GCSH: variants seen among roughly 807,000 people sequenced by gnomAD.
GCSH encodes glycine cleavage system protein H.
GCSH carries 15 observed loss-of-function variants against 21.3 expected under a neutral mutation model. That is an observed-to-expected ratio of 0.70 (90% CI 0.47 to 1.08). The LOEUF is 1.08. Among genes scored for constraint, GCSH ranks in the 50% least tolerant of loss-of-function variants. The probability of loss-of-function intolerance (pLI) is 0.00; values close to 1 mark genes in which losing one functional copy is unlikely to be tolerated. For synonymous variants in GCSH, 59 were observed against 84.5 expected, an observed-to-expected ratio of 0.70 and a Z score of 1.66; for missense variants, 179 against 217.5, an observed-to-expected ratio of 0.82 and a Z score of 1.11.
intron 1 of GCSH, among the ~76,000 whole-genome samples, chr16:81,092,755 CAAAA>C (rs920982457): frequency 7.0e-6 from 1 of 142,860 alleles, no homozygotes; most frequent in Admixed American, 6.7e-5. Context: ...AAAAAACAAA[CAAAA>C]AAAATCCCTG....
At chr16:81,089,418 A>G (rs1972351475) in intron 2 of GCSH, among the ~76,000 whole-genome samples, 1 of 151,752 alleles carries the variant, frequency 6.6e-6, no homozygotes, top group South Asian at 2.1e-4. Context: ...TTTTTACTGT[A>G]CCTTTTCTGT....
chr16:81,088,897 C>G (rs745858696), intron 2 of GCSH, among the ~76,000 whole-genome samples: 6 of 152,204 alleles, frequency 3.9e-5, no homozygotes, highest in Non-Finnish European at 8.8e-5. Context: ...TGAATTACAA[C>G]CCCACCGTTC....
chr16:81,084,536 T>G lies in GCSH; in HGVS notation c.351A>C (p.Ser117=). 1.2e-6 allele frequency: 2 copies of G among 1,600,728 alleles called. No individual in the cohort carries two copies. Among genetic ancestry groups the G allele is most frequent in the Non-Finnish European group, 1.7e-6 (2 of 1,167,950 alleles). Residue 117 remains serine, a synonymous_variant, in exon 4 of 5, where the codon TCA becomes TCC. Coordinates refer to ENST00000315467, the MANE Select transcript of GCSH (RefSeq NM_004483.5). ...KAASELYSPL[S]GEVTEINEAL... ...CTTCATTAATTTCAGTTACTTCTCCTGATAAAGGAGAATAGAGTTCACTAG... is the reference window on the plus strand; with the variant it reads ...CTTCATTAATTTCAGTTACTTCTCCGGATAAAGGAGAATAGAGTTCACTAG...
chr16:81,094,692 C>G (rs1972464339), intron 1 of GCSH, among the ~76,000 whole-genome samples: 1 of 152,022 alleles, frequency 6.6e-6, no homozygotes, highest in South Asian at 2.1e-4. Context: ...ATTTATCAAC[C>G]ATTCCAGCTC....
chr16:81,086,910 C>T (rs543859608), intron 3 of GCSH, among the ~76,000 whole-genome samples: 10 of 148,994 alleles, frequency 6.7e-5, no homozygotes, highest in African/African-American at 2.2e-4. Flanking sequence ...TAAGTGTATA[C>T]ATTTGTTAAA....
At chr16:81,088,548 A>G (rs1238001514) in intron 2 of GCSH, among the ~76,000 whole-genome samples, 1 of 152,090 alleles carries the variant, frequency 6.6e-6, no homozygotes, top group African/African-American at 2.4e-5. Context: ...ACAGGTGCCC[A>G]CCACCATGCC....
At chr16:81,094,785 A>C (rs5023851) in intron 1 of GCSH, among the ~76,000 whole-genome samples, 146,786 of 152,226 alleles carry the variant, frequency 0.96, 70,983 homozygotes, top group Middle Eastern at 1. Flanking sequence ...CAGTCAGTGT[A>C]TCAAACATTT....
At chr16:81,091,109 T>A (rs1390160654) in intron 1 of GCSH, 7 of 367,590 alleles carry the variant, frequency 1.9e-5, no homozygotes, top group African/African-American at 4.3e-5. Context: ...TGATTTAACC[T>A]AAAAAAAAAA....
intron 3 of GCSH, 138 bp from the exon 4 acceptor site, chr16:81,084,732 T>TG (rs1972237631): frequency 4.6e-6 from 3 of 652,366 alleles, no homozygotes; most frequent in South Asian, 3.8e-5. Flanking sequence ...TTTTTTGAGA[T>TG]GGAGTCTCGC....
chr16:81,085,847 G>A (rs375927335), intron 3 of GCSH, among the ~76,000 whole-genome samples: 4 of 150,986 alleles, frequency 2.6e-5, no homozygotes, highest in African/African-American at 9.8e-5. Flanking sequence ...GTGACAGTGT[G>A]AGACTCCGTC....
chr16:81,087,521 A>G lies in GCSH; in HGVS notation c.292+80T>C, dbSNP rs538125385. On this transcript the variant is annotated intron_variant, in intron 3 of 4. Transcript: ENST00000315467. ...CAAAAAAAAAAAAGCACTCTAATTA[A>G]TCCAGGGTACAAACAAATTACTATT... The G allele has an allele frequency of 3.5e-4, 358 of 1,028,996 alleles. 3 individuals are homozygous for G. The highest frequency in any genetic ancestry group is 5.1e-4 in the Non-Finnish European group (334 of 660,246). 63.7% of individuals were successfully genotyped at this position (1,028,996 alleles called of 1,614,324 possible). A position where few individuals can be genotyped will look rare whatever the true frequency, so the allele number is the denominator to read the frequency against.
In GCSH at chr16:81,084,659, T is replaced by C; in HGVS notation, c.293-65A>G. 3 of 1,199,958 alleles carry C rather than the reference T, an allele frequency of 2.5e-6. No individual in the cohort carries two copies. The South Asian group carries it at 3.9e-5, about 16-fold the overall frequency. 74.3% of individuals were successfully genotyped at this position (1,199,958 alleles called of 1,614,324 possible). A position where few individuals can be genotyped will look rare whatever the true frequency, so the allele number is the denominator to read the frequency against. On this transcript the variant is annotated intron_variant, in intron 3 of 4. Coordinates refer to ENST00000315467, the MANE Select transcript of GCSH (RefSeq NM_004483.5). ...AAGTCAGTTACTTGAAAACATAAAATACGAAAAAGTAGATTCCTGTCATAC... is the reference window on the plus strand; with the variant it reads ...AAGTCAGTTACTTGAAAACATAAAACACGAAAAAGTAGATTCCTGTCATAC...
chr16:81,089,015 C>A (rs1165094624), intron 2 of GCSH, among the ~76,000 whole-genome samples: 1 of 152,156 alleles, frequency 6.6e-6, no homozygotes, highest in East Asian at 1.9e-4. Flanking sequence ...CAAAAACTAT[C>A]CAACACTGGG....
chr16:81,095,407 G>T (rs1330621755), intron 1 of GCSH, among the ~76,000 whole-genome samples: 1 of 139,352 alleles, frequency 7.2e-6, no homozygotes, highest in South Asian at 2.2e-4. Flanking sequence ...TTTTGAGGTG[G>T]AGTTTTGCTC....
intron 4 of GCSH, 47 bp from the exon 5 acceptor site, chr16:81,083,010 G>A: frequency 8.7e-7 from 1 of 1,144,206 alleles, no homozygotes; most frequent in Non-Finnish European, 1.3e-6. Context: ...TTTTTAAAAA[G>A]TCAAATTCAT....
intron 2 of GCSH, among the ~76,000 whole-genome samples, chr16:81,089,705 A>T (rs569172894): frequency 1.4e-4 from 22 of 152,314 alleles, no homozygotes; most frequent in African/African-American, 5.3e-4. Flanking sequence ...ACATACATCC[A>T]GTTGAAAATC....
chr16:81,084,338 A>G, intron 4 of GCSH, 125 bp downstream of exon 4: 1 of 780,576 alleles, frequency 1.3e-6, no homozygotes, highest in Non-Finnish European at 2.2e-6. Flanking sequence ...TTAAAGCAGA[A>G]CATCTCTATT....
chr16:81,095,673 A>G (rs1972491122), intron 1 of GCSH, among the ~76,000 whole-genome samples: 1 of 97,582 alleles, frequency 1.0e-5, no homozygotes, highest in African/African-American at 3.4e-5. Context: ...TAATTTTAAT[A>G]AGCGCTTCTG....
At position 81,082,256 on chromosome 16, in the gene GCSH, T is replaced by G. The variant is rs1439023690; in HGVS notation, c.*610A>C. 3 of 452,144 alleles carry G rather than the reference T, an allele frequency of 6.6e-6. No individual in the cohort carries two copies. The Admixed American group carries it at 7.1e-5, about 11-fold the overall frequency. 28.0% of individuals were successfully genotyped at this position (452,144 alleles called of 1,614,324 possible). A position where few individuals can be genotyped will look rare whatever the true frequency, so the allele number is the denominator to read the frequency against. On this transcript the variant is annotated 3_prime_UTR_variant, in exon 5 of 5. Coordinates refer to ENST00000315467, the MANE Select transcript of GCSH (RefSeq NM_004483.5). ...TTTTAAAAAGTAACTTTCCGTAAGT[T>G]AAAGTTAGCACTTTCACAAATACTA...
Sources: allele counts gnomAD v4.1 joint callset (sites outside exome capture counted in the v4.1 genomes callset), GRCh38; gene constraint gnomAD v4.1.1; transcripts MANE v1.5; gene names NCBI Gene and HGNC (gene_info 2026-07-23, HGNC 2026-07-21).